MTFR1: variants seen among roughly 807,000 people sequenced by gnomAD.
The protein encoded by MTFR1 is mitochondrial fission regulator 1.
A neutral mutation model predicts 38.8 loss-of-function variants in MTFR1; 28 were observed. The observed-to-expected ratio is 0.72, with a 90% CI of 0.53 to 0.99. MTFR1 has a LOEUF of 0.99. Ranked by LOEUF, MTFR1 falls within the 50% of genes least tolerant of loss-of-function variation. The probability of loss-of-function intolerance (pLI) is 0.00; values close to 1 mark genes in which losing one functional copy is unlikely to be tolerated. For synonymous variants in MTFR1, 145 were observed against 137.0 expected (o/e 1.06, Z -0.41); for missense variants, 358 against 395.5 (o/e 0.91, Z 0.81).
chr8:65,650,632 A>G (rs764757838), intron 1 of MTFR1, among the ~76,000 whole-genome samples: 1 of 152,128 alleles, frequency 6.6e-6, no homozygotes, highest in Non-Finnish European at 1.5e-5. Context: ...ACAGGATCCC[A>G]TTCTTTTTAA....
At chr8:65,716,414 T>C (rs1036228746) in intron 2 of MTFR1, among the ~76,000 whole-genome samples, 8 of 152,184 alleles carry the variant, frequency 5.3e-5, no homozygotes, top group Admixed American at 3.9e-4. Context: ...CGTTATTTAA[T>C]GCATGTGCCA....
intron 5 of MTFR1, 68 bp downstream of exon 5, chr8:65,704,997 A>C: frequency 7.6e-7 from 1 of 1,315,550 alleles, no homozygotes; most frequent in Non-Finnish European, 1.1e-6. Flanking sequence ...TACTTACTTT[A>C]AAATCAATTA....
At chr8:65,691,257 A>G (rs938391312) in intron 3 of MTFR1, among the ~76,000 whole-genome samples, 2 of 151,914 alleles carry the variant, frequency 1.3e-5, no homozygotes, top group Non-Finnish European at 2.9e-5. Context: ...TATTAGGTTT[A>G]TTTGTTTTTG....
intron 1 of MTFR1, among the ~76,000 whole-genome samples, chr8:65,657,479 T>TCAC (rs1809299337): frequency 6.6e-6 from 1 of 151,750 alleles, no homozygotes; most frequent in South Asian, 2.1e-4. Flanking sequence ...GAGGCAGGAG[T>TCAC]ATTGCCTGAG....
At chr8:65,768,258 C>G (rs551005951) in intron 3 of MTFR1, among the ~76,000 whole-genome samples, 1 of 152,294 alleles carries the variant, frequency 6.6e-6, no homozygotes, top group African/African-American at 2.4e-5. Flanking sequence ...AATCTCTTAA[C>G]ACAAGCCACT....
chr8:65,682,518 G>A, intron 3 of MTFR1, 67 bp downstream of exon 3: 1 of 875,100 alleles, frequency 1.1e-6, no homozygotes, highest in Non-Finnish European at 1.5e-6. Flanking sequence ...TAGGCAAGAT[G>A]GTTTTAAAAG....
At chr8:65,759,287 A>G (rs1194137489) in intron 3 of MTFR1, among the ~76,000 whole-genome samples, 3 of 152,166 alleles carry the variant, frequency 2.0e-5, no homozygotes, top group Non-Finnish European at 2.9e-5. Context: ...GGACAGTACT[A>G]TCTCCTTAAA....
At chr8:65,759,873 G>A (rs1030235893) in intron 3 of MTFR1, among the ~76,000 whole-genome samples, 6 of 151,810 alleles carry the variant, frequency 4.0e-5, no homozygotes, top group Non-Finnish European at 8.8e-5. Flanking sequence ...TTTTTTTTAA[G>A]AATTATTTTC....
intron 3 of MTFR1, chr8:65,745,517 A>T (rs1261467489): frequency 9.4e-7 from 1 of 1,061,610 alleles, no homozygotes; most frequent in Admixed American, 1.7e-5. Context: ...TTTCAATAAC[A>T]TTGTCTTTTG....
chr8:65,658,735 A>G (rs75609032), intron 1 of MTFR1, among the ~76,000 whole-genome samples: 2,569 of 152,310 alleles, frequency 0.017, 78 homozygotes, highest in African/African-American at 0.058. Flanking sequence ...ACACAGAAGA[A>G]AGTACAGACA....
chr8:65,752,475 T>C (rs1354095321), intron 3 of MTFR1, among the ~76,000 whole-genome samples: 1 of 152,184 alleles, frequency 6.6e-6, no homozygotes, highest in Non-Finnish European at 1.5e-5. Context: ...TCTTTGAAGG[T>C]ACTGGTTCAT....
At chr8:65,736,888 CTTT>C (rs35543290) in intron 3 of MTFR1, among the ~76,000 whole-genome samples, 1 of 133,746 alleles carries the variant, frequency 7.5e-6, no homozygotes, top group Non-Finnish European at 1.6e-5. Context: ...GGTATTGAGG[CTTT>C]TTTTTTTTTG....
intron 1 of MTFR1, among the ~76,000 whole-genome samples, chr8:65,649,222 C>G (rs1188699774): frequency 6.6e-6 from 1 of 151,684 alleles, no homozygotes; most frequent in African/African-American, 2.4e-5. Context: ...CTCTTGTTTC[C>G]CAGGCTGGAG....
intron 4 of MTFR1, among the ~76,000 whole-genome samples, chr8:65,694,370 C>T (rs1221171461): frequency 6.6e-6 from 1 of 152,048 alleles, no homozygotes; most frequent in Non-Finnish European, 1.5e-5. Context: ...CCACCACGCC[C>T]AGCCTATTTT....
intron 1 of MTFR1, among the ~76,000 whole-genome samples, chr8:65,660,328 C>T (rs1369028098): frequency 6.8e-6 from 1 of 147,436 alleles, no homozygotes; most frequent in Admixed American, 6.8e-5. Context: ...AAAAACCCAT[C>T]TGTGGTGGTT....
chr8:65,740,446 G>A (rs1393208677), intron 3 of MTFR1, among the ~76,000 whole-genome samples: 1 of 151,992 alleles, frequency 6.6e-6, no homozygotes, highest in African/African-American at 2.4e-5. Flanking sequence ...TGTCACCTGG[G>A]CTGGAGTACA....
chr8:65,769,247 C>CAAAAAAAAAAAAAAAAAAAAAAAAAAA (rs61554087), intron 3 of MTFR1, among the ~76,000 whole-genome samples: 1 of 74,456 alleles, frequency 1.3e-5, no homozygotes, highest in African/African-American at 5.1e-5. Flanking sequence ...GACTCAGTCT[C>CAAAAAAAAAAAAAAAAAAAAAAAAAAA]AAAAAAAAAA....
chr8:65,771,884 C>CAAAAAAAAAAAAAAAA (rs36101490), downstream of MTFR1, among the ~76,000 whole-genome samples: 6 of 55,788 alleles, frequency 1.1e-4, no homozygotes, highest in Admixed American at 2.4e-4. Context: ...CTCCATCTCT[C>CAAAAAAAAAAAAAAAA]AAAAAAAAAA....
intron 3 of MTFR1, among the ~76,000 whole-genome samples, chr8:65,744,238 C>T (rs928780055): frequency 2.0e-5 from 3 of 146,586 alleles, no homozygotes; most frequent in African/African-American, 5.0e-5. Context: ...AACAAAACAA[C>T]AAAAAAAAAC....
Sources: gnomAD v4.1 joint callset for allele counts (sites outside exome capture counted in the v4.1 genomes callset) on GRCh38, gnomAD v4.1.1 for gene constraint, MANE v1.5 for transcripts, NCBI Gene and HGNC (gene_info 2026-07-23, HGNC 2026-07-21) for gene names.